FAM227B: variants seen among roughly 807,000 people sequenced by gnomAD.
FAM227B encodes protein FAM227B.
In FAM227B, 88 loss-of-function variants were observed where a neutral mutation model predicts 73.8. That is an observed-to-expected ratio of 1.19 (90% CI 1.00 to 1.42). FAM227B has a LOEUF of 1.42. FAM227B is among the 40% of genes most tolerant of loss of function. The pLI is 0.00. For missense variants in FAM227B, 632 were observed against 590.9 expected, an observed-to-expected ratio of 1.07 and a Z score of -0.72; for synonymous variants, 210 against 190.5, an observed-to-expected ratio of 1.10 and a Z score of -0.84.
Position 49,391,689 on chromosome 15 carries a change from A to C in FAM227B, c.1013-20290T>G, listed in dbSNP as rs562619950. The stretch of plus-strand genomic sequence containing the variant: ...TCCTTAAGCAATTGCAAATCAAAGA[A>C]TCTCTGAATCCACCTATGACCTGTG... On this transcript the variant is annotated intron_variant, in intron 11 of 15. Coordinates refer to ENST00000299338, the MANE Select transcript of FAM227B (RefSeq NM_152647.3). Among the ~76,000 whole-genome samples, 25 of 152,212 alleles carry C rather than the reference A, an allele frequency of 1.6e-4. No homozygotes were observed. The South Asian group carries it at 4.8e-3, about 29-fold the overall frequency.
At chr15:49,447,114 G>GTGGTT (rs1194112291) in intron 11 of FAM227B, among the ~76,000 whole-genome samples, 1 of 151,580 alleles carries the variant, frequency 6.6e-6, no homozygotes, top group Non-Finnish European at 1.5e-5. Context: ...ATGCAAGCCT[G>GTGGTT]TGGTTTCCTA....
intron 11 of FAM227B, among the ~76,000 whole-genome samples, chr15:49,491,502 T>C (rs1274119642): frequency 6.6e-6 from 1 of 151,854 alleles, no homozygotes; most frequent in African/African-American, 2.4e-5. Flanking sequence ...AAGTTGCAAA[T>C]TGATTCTGCC....
At chr15:49,350,585 C>G (rs1356959477) in intron 13 of FAM227B, among the ~76,000 whole-genome samples, 2 of 152,126 alleles carry the variant, frequency 1.3e-5, no homozygotes, top group African/African-American at 4.8e-5. Flanking sequence ...TTCCACAAAA[C>G]TGAGCTTAAA....
intron 10 of FAM227B, among the ~76,000 whole-genome samples, chr15:49,516,698 G>C (rs554532917): frequency 6.6e-6 from 1 of 152,018 alleles, no homozygotes; most frequent in East Asian, 1.9e-4. Context: ...GTGTCTCTGT[G>C]GTGGGCAGAG....
intron 13 of FAM227B, among the ~76,000 whole-genome samples, chr15:49,350,816 A>G (rs2042134683): frequency 6.6e-6 from 1 of 152,152 alleles, no homozygotes; most frequent in Non-Finnish European, 1.5e-5. Context: ...ATGCGAGCCA[A>G]AGACAAAGTG....
chr15:49,383,014 C>CT (rs2046639836), intron 11 of FAM227B, among the ~76,000 whole-genome samples: 1 of 152,066 alleles, frequency 6.6e-6, no homozygotes, highest in Admixed American at 6.6e-5. Flanking sequence ...ATCTCCTTGT[C>CT]TTTTTTTCCT....
At chr15:49,355,400 C>T (rs1483106810) in intron 13 of FAM227B, among the ~76,000 whole-genome samples, 1 of 152,144 alleles carries the variant, frequency 6.6e-6, no homozygotes, top group Non-Finnish European at 1.5e-5. Flanking sequence ...CCTAAAGGAG[C>T]TAATGGAGCT....
chr15:49,476,983 C>A (rs2151991704), intron 11 of FAM227B, among the ~76,000 whole-genome samples: 1 of 151,456 alleles, frequency 6.6e-6, no homozygotes, highest in Middle Eastern at 3.4e-3. Flanking sequence ...TGGTGCAAAC[C>A]TGGGAGGCGG....
rs150890834 is a variant in FAM227B at position 49,572,677 on chromosome 15, G to C, written c.645+2334C>G. 1.6e-3 allele frequency among the ~76,000 whole-genome samples: 248 copies of C among 152,026 alleles called. 1 individual carries two copies. The highest frequency in any genetic ancestry group is 3.4e-3 in the Middle Eastern group (1 of 294). ...CTTATACCTTCTGTTTGAGAGCAGG[G>C]CACTTTCATAGGCCTGTAGAAACTG... is the stretch of plus-strand genomic sequence containing the variant. On this transcript the variant is annotated intron_variant, in intron 8 of 15. Coordinates refer to ENST00000299338, the MANE Select transcript of FAM227B (RefSeq NM_152647.3).
rs192593639 is a variant in FAM227B, at chr15:49,540,416, T to C, written c.874+1264A>G. ...TTTCTGTGCAATTATTGGTTTTTGC[T>C]GTACTGTTTTGCTGTAGGTTTTAAA... On this transcript the variant is annotated intron_variant, in intron 10 of 15. Coordinates refer to ENST00000299338, the MANE Select transcript of FAM227B (RefSeq NM_152647.3). Among the ~76,000 whole-genome samples, 300 of 152,330 alleles carry C rather than the reference T, an allele frequency of 2.0e-3. 1 individual carries two copies. Among genetic ancestry groups the C allele is most frequent in the African/African-American group, 6.9e-3 (287 of 41,570 alleles).
At chr15:49,549,524 G>A (rs2072488085) in intron 9 of FAM227B, among the ~76,000 whole-genome samples, 1 of 151,954 alleles carries the variant, frequency 6.6e-6, no homozygotes, top group Non-Finnish European at 1.5e-5. Context: ...AGGGAGTGGT[G>A]ATGACTCTTA....
chr15:49,550,826 C>T (rs1032939944), intron 9 of FAM227B, among the ~76,000 whole-genome samples: 132 of 150,964 alleles, frequency 8.7e-4, no homozygotes, highest in Non-Finnish European at 1.4e-3. Flanking sequence ...GGGCTCCTCA[C>T]GTCCCAGACG....
At chr15:49,413,872 C>T (rs1269315076) in intron 11 of FAM227B, among the ~76,000 whole-genome samples, 4 of 151,146 alleles carry the variant, frequency 2.6e-5, no homozygotes, top group African/African-American at 9.7e-5. Flanking sequence ...AATGCTCTAC[C>T]TCCACTTCTG....
intron 11 of FAM227B, among the ~76,000 whole-genome samples, chr15:49,431,632 A>G (rs1166183813): frequency 6.6e-6 from 1 of 151,770 alleles, no homozygotes; most frequent in Non-Finnish European, 1.5e-5. Context: ...TGGAGTGGTC[A>G]TGAGTACTTG....
At chr15:49,401,187 G>A (rs1454527963) in intron 11 of FAM227B, among the ~76,000 whole-genome samples, 33 of 152,174 alleles carry the variant, frequency 2.2e-4, no homozygotes, top group South Asian at 2.1e-4. Context: ...AAAAGTGGGC[G>A]AAGGACATGA....
intron 3 of FAM227B, among the ~76,000 whole-genome samples, chr15:49,598,123 T>C (rs1454456344): frequency 1.3e-5 from 2 of 151,972 alleles, no homozygotes; most frequent in Non-Finnish European, 2.9e-5. Flanking sequence ...AATCATTCTA[T>C]GAAGCCAGTA....
chr15:49,568,095 A>G (rs2074800530), intron 9 of FAM227B, 150 bp downstream of exon 9: 1 of 629,662 alleles, frequency 1.6e-6, no homozygotes, highest in Non-Finnish European at 2.7e-6. Context: ...TAATAAGAGC[A>G]TAACTTTCAA....
chr15:49,589,484 G>C lies in FAM227B; in HGVS notation c.337+292C>G, dbSNP rs565114342. Among the ~76,000 whole-genome samples the C allele has an allele frequency of 2.7e-3, 404 of 150,466 alleles. 3 individuals carry two copies. Among genetic ancestry groups the C allele is most frequent in the African/African-American group, 9.5e-3 (390 of 41,044 alleles). On this transcript the variant is annotated intron_variant, in intron 4 of 15. Transcript: ENST00000299338. Reference sequence around the variant, plus strand: ...GTATTGAACCATTTTGAAATGAAGAGGTTTTAAAATAAAATATTTTTAATA... The same window carrying C: ...GTATTGAACCATTTTGAAATGAAGACGTTTTAAAATAAAATATTTTTAATA...
intron 5 of FAM227B, among the ~76,000 whole-genome samples, chr15:49,583,734 C>T (rs554114642): frequency 6.6e-6 from 1 of 152,038 alleles, no homozygotes; most frequent in South Asian, 2.1e-4. Context: ...CTATAAGCAC[C>T]TCTGTCCACA....
Sources: gnomAD v4.1 joint callset for allele counts (sites outside exome capture counted in the v4.1 genomes callset) on GRCh38, gnomAD v4.1.1 for gene constraint, MANE v1.5 for transcripts, NCBI Gene and HGNC (gene_info 2026-07-23, HGNC 2026-07-21) for gene names.